CLYBL: variants seen among roughly 807,000 people sequenced by gnomAD.
The protein encoded by CLYBL is citramalyl-CoA lyase.
Under a neutral mutation model 38.9 loss-of-function variants are expected in CLYBL, and 31 were observed. The ratio of observed to expected loss-of-function variants is 0.80; its 90% CI spans 0.60 to 1.08. The LOEUF (loss-of-function observed/expected upper bound fraction) is 1.08, where lower values mean the gene tolerates loss of function less well. CLYBL is among the 50% of genes least tolerant of loss of function. The pLI is 0.00. For synonymous variants in CLYBL, 171 were observed against 158.6 expected, an observed-to-expected ratio of 1.08 and a Z score of -0.59; for missense variants, 434 against 411.6, an observed-to-expected ratio of 1.05 and a Z score of -0.47.
chr13:99,859,096 G>T (rs755671106), intron 3 of CLYBL, 47 bp downstream of exon 3: 11 of 1,503,604 alleles, frequency 7.3e-6, no homozygotes, highest in Middle Eastern at 1.8e-4. Context: ...AGCTAAGGAG[G>T]AGTAGCAGGA....
intron 1 of CLYBL, among the ~76,000 whole-genome samples, chr13:99,683,689 C>T (rs13378364): frequency 2.6e-5 from 4 of 151,270 alleles, no homozygotes; most frequent in Non-Finnish European, 5.9e-5. Context: ...ACAATGCCTT[C>T]TTCTGGAATG....
At chr13:99,851,688 T>C (rs981959426) in intron 2 of CLYBL, among the ~76,000 whole-genome samples, 10 of 152,122 alleles carry the variant, frequency 6.6e-5, no homozygotes, top group African/African-American at 2.4e-4. Context: ...TGGTAGTAAG[T>C]TTCGGCGAGC....
At chr13:99,635,331 G>A (rs2047004381) in intron 1 of CLYBL, among the ~76,000 whole-genome samples, 1 of 151,858 alleles carries the variant, frequency 6.6e-6, no homozygotes, top group Non-Finnish European at 1.5e-5. Context: ...ACCTTTTCCA[G>A]GATCAAATTG....
chr13:99,902,034 T>A (rs949371472), downstream of CLYBL, among the ~76,000 whole-genome samples: 2 of 152,214 alleles, frequency 1.3e-5, no homozygotes, highest in Non-Finnish European at 2.9e-5. Flanking sequence ...AAATTGGTGA[T>A]TGAAACTCAT....
chr13:99,615,200 C>T (rs997456507), intron 1 of CLYBL, among the ~76,000 whole-genome samples: 5 of 152,150 alleles, frequency 3.3e-5, no homozygotes, highest in East Asian at 3.9e-4. Context: ...GTGATAGCTT[C>T]GGAACAGCCA....
intron 2 of CLYBL, among the ~76,000 whole-genome samples, chr13:99,858,410 T>C (rs2051511961): frequency 6.6e-6 from 1 of 152,222 alleles, no homozygotes; most frequent in Non-Finnish European, 1.5e-5. Context: ...ATTTTTTCCC[T>C]AATGTGAAGA....
At chr13:99,893,485 A>C (rs1739625655), downstream of CLYBL, 3 of 152,412 alleles carry the variant, frequency 2.0e-5, no homozygotes, top group Admixed American at 2.0e-4. Flanking sequence ...GCACCCGCTG[A>C]GGGTGTTAGA....
rs144939995 is a variant in CLYBL at position 99,676,658 on chromosome 13, A to G, written c.62+69901A>G. Among the ~76,000 whole-genome samples, 371 of 151,742 alleles carry G rather than the reference A, an allele frequency of 2.4e-3. 3 individuals carry two copies. Among genetic ancestry groups the G allele is most frequent in the African/African-American group, 8.4e-3 (347 of 41,306 alleles). On this transcript the variant is annotated intron_variant, in intron 1 of 8. Transcript: ENST00000339105. ...GCCCAGGCTGGAGTGCAATGGCACA[A>G]TCTCGACTTACTGCAACCTGCACCT...
chr13:99,750,188 C>T (rs2048928741), intron 1 of CLYBL, among the ~76,000 whole-genome samples: 1 of 151,222 alleles, frequency 6.6e-6, no homozygotes, highest in Non-Finnish European at 1.5e-5. Flanking sequence ...CAGTTATGCT[C>T]CTGCGACCCC....
chr13:99,837,929 T>G (rs2050977191), intron 2 of CLYBL, among the ~76,000 whole-genome samples: 1 of 152,236 alleles, frequency 6.6e-6, no homozygotes, highest in Non-Finnish European at 1.5e-5. Context: ...ATGAGAAACA[T>G]TTTTGTAAAT....
At chr13:99,695,685 A>G (rs1220450825) in intron 1 of CLYBL, among the ~76,000 whole-genome samples, 1 of 151,974 alleles carries the variant, frequency 6.6e-6, no homozygotes, top group Admixed American at 6.6e-5. Flanking sequence ...ACACCTGGCT[A>G]ATTTTTGTAT....
intron 6 of CLYBL, among the ~76,000 whole-genome samples, chr13:99,866,985 C>T (rs553853460): frequency 4.9e-4 from 74 of 152,246 alleles, no homozygotes; most frequent in Admixed American, 8.5e-4. Context: ...CCTTGCAGTC[C>T]GGTCTGGGGC....
intron 2 of CLYBL, among the ~76,000 whole-genome samples, chr13:99,819,458 A>ATATATATATATATATATATAAATAT (rs2050539888): frequency 2.4e-5 from 1 of 41,248 alleles, no homozygotes; most frequent in Non-Finnish European, 4.8e-5. Flanking sequence ...ATATATATAT[A>ATATATATATATATATATATAAATAT]TATATATATA....
chr13:99,764,826 A>G (rs953268865), intron 1 of CLYBL, among the ~76,000 whole-genome samples: 7 of 150,160 alleles, frequency 4.7e-5, no homozygotes, highest in Non-Finnish European at 7.4e-5. Context: ...TACTATAGGC[A>G]TGCACCACCA....
intron 1 of CLYBL, among the ~76,000 whole-genome samples, chr13:99,671,551 G>A (rs756130828): frequency 6.6e-5 from 10 of 152,194 alleles, no homozygotes; most frequent in Non-Finnish European, 1.3e-4. Flanking sequence ...AGGCCGAGGT[G>A]GGCAGATCAC....
intron 7 of CLYBL, among the ~76,000 whole-genome samples, chr13:99,871,493 C>T (rs1157005308): frequency 1.3e-5 from 2 of 151,330 alleles, no homozygotes; most frequent in Non-Finnish European, 3.0e-5. Flanking sequence ...GAAAAAAGTA[C>T]AGAAATCTCC....
chr13:99,788,106 C>T (rs2049837001), intron 2 of CLYBL, among the ~76,000 whole-genome samples: 1 of 151,954 alleles, frequency 6.6e-6, no homozygotes, highest in Non-Finnish European at 1.5e-5. Flanking sequence ...TGGGCTGAGA[C>T]GATGGAGTTT....
At chr13:99,780,234 G>C (rs2049613087) in intron 2 of CLYBL, among the ~76,000 whole-genome samples, 1 of 151,964 alleles carries the variant, frequency 6.6e-6, no homozygotes, top group African/African-American at 2.4e-5. Flanking sequence ...ATGTTTATGT[G>C]GTCTGATCGT....
intron 1 of CLYBL, among the ~76,000 whole-genome samples, chr13:99,722,703 G>C (rs924557674): frequency 6.6e-6 from 1 of 152,196 alleles, no homozygotes; most frequent in Non-Finnish European, 1.5e-5. Flanking sequence ...GTTATACGTA[G>C]AGAGTTCCCA....
Sources: allele counts gnomAD v4.1 joint callset (sites outside exome capture counted in the v4.1 genomes callset), GRCh38; gene constraint gnomAD v4.1.1; transcripts MANE v1.5; gene names NCBI Gene and HGNC (gene_info 2026-07-23, HGNC 2026-07-21).